The following RGR variants were observed in gnomAD, a reference collection of about 807,000 sequenced individuals.
The protein encoded by RGR is retinal G protein coupled receptor.
RGR carries 30 observed loss-of-function variants against 28.6 expected under a neutral mutation model. The observed-to-expected ratio is 1.05, with a 90% CI of 0.78 to 1.42. RGR has a LOEUF of 1.42. Ranked by LOEUF, RGR falls within the 40% of genes most tolerant of loss-of-function variation. The probability of loss-of-function intolerance (pLI) is 0.00; values close to 1 mark genes in which losing one functional copy is unlikely to be tolerated. For missense variants in RGR, 404 were observed against 375.6 expected (o/e 1.08, Z -0.62); for synonymous variants, 180 against 156.4 (o/e 1.15, Z -1.13).
intron 3 of RGR, chr10:84,250,426 A>C: frequency 1.4e-6 from 1 of 717,176 alleles, no homozygotes; most frequent in Non-Finnish European, 2.6e-6. Context: ...GAGTGGCGAT[A>C]GGTTAGCCCT....
chr10:84,249,159 TG>T, intron 3 of RGR, 116 bp downstream of exon 3: 1 of 1,456,558 alleles, frequency 6.9e-7, no homozygotes, highest in Non-Finnish European at 9.5e-7. Context: ...CAGGGAAGTG[TG>T]GGTAGGTGTG....
At chr10:84,257,318 G>C (rs1310199848) in intron 5 of RGR, among the ~76,000 whole-genome samples, 1 of 152,226 alleles carries the variant, frequency 6.6e-6, no homozygotes, top group Non-Finnish European at 1.5e-5. Context: ...AGCCCAGACA[G>C]GGTGGTCTCG....
intron 2 of RGR, chr10:84,248,677 A>G: frequency 1.6e-6 from 1 of 612,086 alleles, no homozygotes; most frequent in Non-Finnish European, 2.9e-6. Flanking sequence ...CTGATCACGC[A>G]GAGAGAGCCT....
chr10:84,246,516 A>G (rs530581128), intron 1 of RGR, among the ~76,000 whole-genome samples: 36 of 152,360 alleles, frequency 2.4e-4, no homozygotes, highest in Middle Eastern at 3.4e-3. Flanking sequence ...TTCACTTACA[A>G]TAATGGCCTC....
rs1842931545 is a variant in RGR at position 84,259,883 on chromosome 10, C to T, written c.*1244C>T. 1.3e-5 allele frequency: 2 copies of T among 152,052 alleles called. 1 individual carries two copies. 9.4% of individuals were successfully genotyped at this position (152,052 alleles called of 1,614,324 possible). A position where few individuals can be genotyped will look rare whatever the true frequency, so the allele number is the denominator to read the frequency against. On this transcript the variant is annotated 3_prime_UTR_variant, in exon 7 of 7. Coordinates refer to ENST00000652092, the MANE Select transcript of RGR (RefSeq NM_001012720.2). ...TGGTTTGCAAATATTTTCTCCGGTT[C>T]TGCACGTTGTTCATTCTGTTGATGG... is the stretch of plus-strand genomic sequence containing the variant.
chr10:84,257,840 G>A (rs1842906288), intron 5 of RGR, 53 bp from the exon 6 acceptor site: 1 of 1,525,862 alleles, frequency 6.6e-7, no homozygotes, highest in Non-Finnish European at 9.1e-7. Flanking sequence ...GGCCACATAG[G>A]GCTGTGGGCC....
chr10:84,252,969 A>G lies in RGR; in HGVS notation c.471A>G (p.Pro157=), dbSNP rs1289751685. The change falls in exon 4 of 7, where the codon CCA becomes CCG. Residue 157 remains proline, a synonymous_variant. Coordinates refer to ENST00000652092, the MANE Select transcript of RGR (RefSeq NM_001012720.2). ...LLGWGHYDYE[P]LGTCCTLDYS... ...GTTGGGGTCACTACGACTATGAGCC[A>G]CTGGGGACATGCTGCACCCTGGACT... 15 of 1,613,898 alleles carry G rather than the reference A, an allele frequency of 9.3e-6. No individual in the cohort carries two copies. Among genetic ancestry groups the G allele is most frequent in the Non-Finnish European group, 1.3e-5 (15 of 1,180,034 alleles).
rs747284636 is a variant in RGR, at chr10:84,254,322, G to A, written c.513-4G>A. On this transcript the variant is annotated splice_polypyrimidine_tract_variant and splice_region_variant and intron_variant, in intron 4 of 6. Transcript: ENST00000652092. ...CCCCAATCCTCCACCCGCTCTCCCTGTAGAAACTTCACCAGCTTCCTCTTC... is the reference window on the plus strand; with the variant it reads ...CCCCAATCCTCCACCCGCTCTCCCTATAGAAACTTCACCAGCTTCCTCTTC... 4.3e-6 allele frequency: 7 copies of A among 1,613,736 alleles called. No individual in the cohort carries two copies. Among genetic ancestry groups the A allele is most frequent in the Non-Finnish European group, 5.1e-6 (6 of 1,179,776 alleles).
At chr10:84,250,910 TA>T (rs35107073) in intron 3 of RGR, 2,422 of 105,804 alleles carry the variant, frequency 0.023, 64 homozygotes, top group African/African-American at 0.066. Context: ...TCCGCCTCAA[TA>T]AAAAAAAAAA....
chr10:84,248,962 T>C lies in RGR; in HGVS notation c.277T>C (p.Phe93Leu), dbSNP rs1157211850. 1 of 1,614,122 alleles carries C rather than the reference T, an allele frequency of 6.2e-7. No homozygotes were observed. The highest frequency in any genetic ancestry group is 1.1e-5 in the South Asian group (1 of 91,080). ...YGSDGCQAHG[F>L]QGFVTALASI... ...CTCGGACGGCTGCCAGGCTCACGGC[T>C]TCCAGGGCTTTGTGACAGCGTTGGC... The change falls in exon 3 of 7, where the codon TTC becomes CTC. Residue 93 changes from phenylalanine (F) to leucine (L), a missense_variant. Physicochemically the swap from Phe to Leu is conservative, Grantham distance 22. Coordinates refer to ENST00000652092, the MANE Select transcript of RGR (RefSeq NM_001012720.2).
chr10:84,258,910 A>T lies in RGR; in HGVS notation c.*271A>T. 1 of 451,494 alleles carries T rather than the reference A, an allele frequency of 2.2e-6. No homozygotes were observed. The highest frequency in any genetic ancestry group is 4.1e-6 in the Non-Finnish European group (1 of 243,474). 28.0% of individuals were successfully genotyped at this position (451,494 alleles called of 1,614,324 possible). A position where few individuals can be genotyped will look rare whatever the true frequency, so the allele number is the denominator to read the frequency against. On this transcript the variant is annotated 3_prime_UTR_variant, in exon 7 of 7. Transcript: ENST00000652092. ...AATAATAATAAATGTAAGGGGGTAC[A>T]GTGCAGTTTTGTTACATGGATAGAT...
At chr10:84,255,750 G>A (rs1483257683) in intron 5 of RGR, among the ~76,000 whole-genome samples, 2 of 121,220 alleles carry the variant, frequency 1.6e-5, no homozygotes, top group Non-Finnish European at 3.3e-5. Flanking sequence ...TTTAGGCCGA[G>A]TTTCACTCTT....
At chr10:84,247,514 C>T (rs1842761056) in intron 1 of RGR, 77 bp from the exon 2 acceptor site, 1 of 1,544,310 alleles carries the variant, frequency 6.5e-7, no homozygotes, top group East Asian at 2.2e-5. Context: ...GCTGATGTTC[C>T]ATCCACCCCA....
chr10:84,258,178 C>T (rs1842911537), intron 6 of RGR, among the ~76,000 whole-genome samples, 172 bp downstream of exon 6: 1 of 152,156 alleles, frequency 6.6e-6, no homozygotes, highest in Non-Finnish European at 1.5e-5. Flanking sequence ...AATCCCCCAC[C>T]TCGTCTCTGA....
chr10:84,246,017 G>T (rs1429374498), intron 1 of RGR, among the ~76,000 whole-genome samples: 3 of 152,168 alleles, frequency 2.0e-5, no homozygotes, highest in Non-Finnish European at 4.4e-5. Flanking sequence ...GATTGGTCCT[G>T]AAGGCTCTGG....
intron 3 of RGR, 94 bp downstream of exon 3, chr10:84,249,137 T>A: frequency 6.4e-7 from 1 of 1,556,702 alleles, no homozygotes; most frequent in Non-Finnish European, 8.8e-7. Context: ...TACTGCTCCG[T>A]GTTTCCCAGT....
intron 5 of RGR, among the ~76,000 whole-genome samples, chr10:84,255,819 GGTTC>G (rs1211654677): frequency 2.7e-5 from 4 of 149,192 alleles, no homozygotes; most frequent in Admixed American, 6.7e-5. Flanking sequence ...CCGCCTCTGG[GGTTC>G]AAGCGATTCT....
chr10:84,254,576 A>G (rs1307801892), intron 5 of RGR, 133 bp downstream of exon 5: 5 of 800,028 alleles, frequency 6.2e-6, no homozygotes, highest in Non-Finnish European at 1.1e-5. Flanking sequence ...GCAAAAGCTT[A>G]TTCAGCACAG....
intron 5 of RGR, among the ~76,000 whole-genome samples, chr10:84,256,911 C>T (rs547435155): frequency 1.3e-5 from 2 of 152,118 alleles, no homozygotes; most frequent in Admixed American, 1.3e-4. Flanking sequence ...CGCGTAGCCT[C>T]CCCAGGGGAT....
Sources: gnomAD v4.1 joint callset for allele counts (sites outside exome capture counted in the v4.1 genomes callset) on GRCh38, gnomAD v4.1.1 for gene constraint, MANE v1.5 for transcripts, NCBI Gene and HGNC (gene_info 2026-07-23, HGNC 2026-07-21) for gene names.